The following RCAN2 variants were observed in gnomAD, a reference collection of about 807,000 sequenced individuals.
RCAN2 encodes the protein regulator of calcineurin 2, also known as calcipressin-2.
Under a neutral mutation model 23.6 loss-of-function variants are expected in RCAN2, and 9 were observed. That is an observed-to-expected ratio of 0.38 (90% CI 0.23 to 0.67). The LOEUF (loss-of-function observed/expected upper bound fraction) is 0.67, where lower values mean the gene tolerates loss of function less well. RCAN2 is among the 30% of genes least tolerant of loss of function. The pLI, the probability that RCAN2 is intolerant of heterozygous loss-of-function variation, is 0.51. For missense variants in RCAN2, 273 were observed against 302.3 expected (o/e 0.90, Z 0.72); for synonymous variants, 109 against 115.7 (o/e 0.94, Z 0.37).
At chr6:46,412,882 A>C (rs1467576166) in intron 2 of RCAN2, among the ~76,000 whole-genome samples, 1 of 152,176 alleles carries the variant, frequency 6.6e-6, no homozygotes, top group East Asian at 1.9e-4. Context: ...AGGAAGCCAG[A>C]GGGCGTGGGT....
chr6:46,337,901 G>A (rs747192522), intron 2 of RCAN2, among the ~76,000 whole-genome samples: 1 of 152,176 alleles, frequency 6.6e-6, no homozygotes, highest in Non-Finnish European at 1.5e-5. Flanking sequence ...GGAATGTGCT[G>A]ATTTAACATT....
intron 1 of RCAN2, among the ~76,000 whole-genome samples, chr6:46,483,192 C>G (rs895487372): frequency 6.6e-5 from 10 of 152,190 alleles, no homozygotes; most frequent in Non-Finnish European, 1.5e-4. Context: ...TCCTTAGTTT[C>G]CACTTTAATT....
chr6:46,446,242 C>G (rs1767702065), intron 2 of RCAN2, among the ~76,000 whole-genome samples: 2 of 141,900 alleles, frequency 1.4e-5, no homozygotes, highest in South Asian at 4.4e-4. Context: ...ATAAACCTTA[C>G]AGGGCAGAAG....
chr6:46,402,774 G>A (rs762885220), intron 2 of RCAN2, among the ~76,000 whole-genome samples: 2 of 152,110 alleles, frequency 1.3e-5, no homozygotes, highest in African/African-American at 4.8e-5. Flanking sequence ...TTGAACCTAA[G>A]GATAAAAATG....
intron 2 of RCAN2, among the ~76,000 whole-genome samples, chr6:46,406,265 C>T (rs1028051706): frequency 2.6e-5 from 4 of 152,186 alleles, no homozygotes; most frequent in African/African-American, 9.6e-5. Context: ...AGTGGGAACC[C>T]AGGCAGAGGA....
intron 1 of RCAN2, among the ~76,000 whole-genome samples, chr6:46,477,849 A>C (rs2150445323): frequency 6.6e-6 from 1 of 152,320 alleles, no homozygotes; most frequent in East Asian, 1.9e-4. Context: ...AGAAAGGAAC[A>C]GAAAAGCTCC....
At chr6:46,283,372 G>C (rs927549674) in intron 2 of RCAN2, among the ~76,000 whole-genome samples, 1 of 152,164 alleles carries the variant, frequency 6.6e-6, no homozygotes, top group African/African-American at 2.4e-5. Flanking sequence ...GAGCCCAGGA[G>C]ATCGAGGTTG....
At chr6:46,298,192 A>G (rs1038070694) in intron 2 of RCAN2, among the ~76,000 whole-genome samples, 6 of 152,110 alleles carry the variant, frequency 3.9e-5, no homozygotes, top group African/African-American at 1.4e-4. Context: ...AAATAATACT[A>G]AAAATAATTA....
rs1056581380 is a variant in RCAN2, at chr6:46,447,213, TA to T, written c.225+9538del. On this transcript the variant is annotated intron_variant, in intron 2 of 4. Transcript: ENST00000371374. ...ATATTAGATAAAATAGAATTTATAT[TA>T]AAAAAAGTAGAACAAGACAAAGAAA... Among the ~76,000 whole-genome samples the T allele has an allele frequency of 5.3e-5, 8 of 151,908 alleles. No homozygotes were observed. The East Asian group carries it at 7.7e-4, about 15-fold the overall frequency.
At chr6:46,447,581 G>T (rs1767752245) in intron 2 of RCAN2, among the ~76,000 whole-genome samples, 1 of 151,738 alleles carries the variant, frequency 6.6e-6, no homozygotes, top group Non-Finnish European at 1.5e-5. Context: ...TATTCTCTAG[G>T]ATAGATCATA....
At chr6:46,284,028 G>A (rs1762289399) in intron 2 of RCAN2, among the ~76,000 whole-genome samples, 1 of 152,126 alleles carries the variant, frequency 6.6e-6, no homozygotes, top group South Asian at 2.1e-4. Context: ...AATGTGACTT[G>A]TATGAATTTT....
Position 46,466,390 on chromosome 6 carries a change from T to C in RCAN2, c.-2-9412A>G, listed in dbSNP as rs1272580613. Among the ~76,000 whole-genome samples, 5 of 152,210 alleles carry C rather than the reference T, an allele frequency of 3.3e-5. No homozygotes were observed. In the South Asian group the frequency reaches 8.3e-4, roughly 25 times the overall value. ...ATACAGCTAAGAAGGGTCTGACTTA[T>C]TTAGAAAAGAAAAGATGGACTAGAA... On this transcript the variant is annotated intron_variant, in intron 1 of 4. Coordinates refer to ENST00000371374, the MANE Select transcript of RCAN2 (RefSeq NM_001251974.2).
At chr6:46,271,304 G>A (rs759728362) in intron 2 of RCAN2, among the ~76,000 whole-genome samples, 50 of 152,244 alleles carry the variant, frequency 3.3e-4, no homozygotes, top group Admixed American at 8.5e-4. Context: ...CCAGTCTAAC[G>A]ACAGTATAAT....
intron 2 of RCAN2, among the ~76,000 whole-genome samples, chr6:46,329,029 C>A (rs1403680618): frequency 3.3e-5 from 5 of 151,940 alleles, no homozygotes; most frequent in African/African-American, 1.2e-4. Flanking sequence ...TATTCTCCCA[C>A]TTCATCTCAT....
chr6:46,316,367 G>A (rs747976619), intron 2 of RCAN2, among the ~76,000 whole-genome samples: 7 of 152,156 alleles, frequency 4.6e-5, no homozygotes, highest in Non-Finnish European at 8.8e-5. Context: ...TGAGGAAACC[G>A]AGGCACAGAG....
chr6:46,444,757 T>A (rs1330885082), intron 2 of RCAN2, among the ~76,000 whole-genome samples: 1 of 152,076 alleles, frequency 6.6e-6, no homozygotes, highest in Admixed American at 6.6e-5. Context: ...GCTAGGTCCA[T>A]CCCAGTAGAC....
At chr6:46,378,227 G>T (rs1362060257) in intron 2 of RCAN2, among the ~76,000 whole-genome samples, 1 of 152,178 alleles carries the variant, frequency 6.6e-6, no homozygotes, top group African/African-American at 2.4e-5. Flanking sequence ...TTTATAAATG[G>T]CTTCTTATGA....
intron 2 of RCAN2, among the ~76,000 whole-genome samples, chr6:46,307,648 T>C (rs772138390): frequency 7.2e-5 from 11 of 152,292 alleles, no homozygotes; most frequent in South Asian, 4.1e-4. Context: ...TCTGGCTTCA[T>C]GGAGCTTGCA....
intron 2 of RCAN2, among the ~76,000 whole-genome samples, chr6:46,256,149 C>T (rs549256203): frequency 2.0e-5 from 3 of 152,150 alleles, no homozygotes; most frequent in African/African-American, 2.4e-5. Context: ...GCAGGAGGAT[C>T]GCCTGGGGTC....
Sources: allele counts gnomAD v4.1 joint callset (sites outside exome capture counted in the v4.1 genomes callset), GRCh38; gene constraint gnomAD v4.1.1; transcripts MANE v1.5; gene names NCBI Gene and HGNC (gene_info 2026-07-23, HGNC 2026-07-21).